TOLLIP: variants seen among roughly 807,000 people sequenced by gnomAD.
The protein encoded by TOLLIP is toll-interacting protein.
A neutral mutation model predicts 33.5 loss-of-function variants in TOLLIP; 16 were observed. The ratio of observed to expected loss-of-function variants is 0.48; its 90% CI spans 0.32 to 0.72. The LOEUF (loss-of-function observed/expected upper bound fraction) is 0.72, where lower values mean the gene tolerates loss of function less well. Ranked by LOEUF, TOLLIP falls within the 30% of genes least tolerant of loss-of-function variation. The probability of loss-of-function intolerance (pLI) is 0.03; values close to 1 mark genes in which losing one functional copy is unlikely to be tolerated. For synonymous variants in TOLLIP, 176 were observed against 163.7 expected, an observed-to-expected ratio of 1.07 and a Z score of -0.57; for missense variants, 325 against 396.6, an observed-to-expected ratio of 0.82 and a Z score of 1.53.
At chr11:1,306,536 G>T (rs1023874224) in intron 1 of TOLLIP, among the ~76,000 whole-genome samples, 5 of 152,124 alleles carry the variant, frequency 3.3e-5, no homozygotes, top group Admixed American at 1.3e-4. Flanking sequence ...CACCACAGGT[G>T]TAACAGAAAG....
At chr11:1,309,280 C>G (rs375094188) in intron 1 of TOLLIP, among the ~76,000 whole-genome samples, 186 bp downstream of exon 1, 195 of 152,122 alleles carry the variant, frequency 1.3e-3, no homozygotes, top group Middle Eastern at 3.4e-3. Flanking sequence ...TGGGCGCGTC[C>G]GTCCGGCCCG....
In TOLLIP at chr11:1,280,063, G is replaced by A. The variant is rs1299762660; in HGVS notation, c.611-2810C>T. Among the ~76,000 whole-genome samples the A allele has an allele frequency of 3.3e-5, 5 of 152,250 alleles. No individual in the cohort carries two copies. The East Asian group carries it at 5.8e-4, about 18-fold the overall frequency. On this transcript the variant is annotated intron_variant, in intron 5 of 5. Transcript: ENST00000317204. ...TGATTCTTTGTTTCAAAGCGACCAA[G>A]TTAGCGGGTTAATAAACACAACAGC...
intron 1 of TOLLIP, 23 bp from the exon 2 acceptor site, chr11:1,295,817 G>A: frequency 2.0e-6 from 3 of 1,534,562 alleles, no homozygotes; most frequent in Non-Finnish European, 2.6e-6. Context: ...GGACCAGAGA[G>A]GCCAGTGAGT....
chr11:1,307,975 C>A (rs895065656), intron 1 of TOLLIP, among the ~76,000 whole-genome samples: 6 of 152,192 alleles, frequency 3.9e-5, no homozygotes, highest in African/African-American at 1.4e-4. Flanking sequence ...GGTGGGGAGC[C>A]CTGGTGACCC....
At chr11:1,285,942 C>T in intron 5 of TOLLIP, 60 bp downstream of exon 5, 2 of 1,401,692 alleles carry the variant, frequency 1.4e-6, no homozygotes, top group African/African-American at 1.4e-5. Flanking sequence ...CCTCCCGCAC[C>T]TGCCCTAGGC....
chr11:1,295,527 G>A lies in TOLLIP; in HGVS notation c.183+118C>T, dbSNP rs536980044. ...ACATCACACAGGTTTCAGGAAAAGC[G>A]GGAATCAGAAGTTCTGTTTGCCCGC... On this transcript the variant is annotated intron_variant, in intron 2 of 5. Transcript: ENST00000317204. The A allele has an allele frequency of 7.1e-6, 9 of 1,261,708 alleles. No homozygotes were observed. In the East Asian group the frequency reaches 7.1e-5, roughly 10 times the overall value. The allele number at this position is 1,261,708 out of a possible 1,614,324, so 78.2% of individuals were successfully genotyped here.
intron 2 of TOLLIP, among the ~76,000 whole-genome samples, chr11:1,292,602 TCTG>T (rs1422328752): frequency 2.0e-5 from 3 of 152,350 alleles, no homozygotes; most frequent in South Asian, 4.1e-4. Flanking sequence ...TATGGAAGCA[TCTG>T]CCCATTCACT....
intron 1 of TOLLIP, among the ~76,000 whole-genome samples, chr11:1,299,922 A>ACGGAGG (rs898765321): frequency 7.2e-5 from 11 of 152,292 alleles, no homozygotes; most frequent in Admixed American, 2.6e-4. Flanking sequence ...GACTCGGGGG[A>ACGGAGG]CGGAGGCGGA....
rs139087935 is a variant in TOLLIP, at chr11:1,277,078, G to C, written c.786C>G (p.Ala262=). Residue 262 remains alanine, a synonymous_variant, in exon 6 of 6, where the codon GCC becomes GCG. Transcript: ENST00000317204. The surrounding 1 kb of genome is among the most constrained non-coding windows in gnomAD (Gnocchi z 4.2). The part of the protein sequence containing the change: ...VLEAQRGNKD[A]AINSLLQMGE... ...CCATCTGCAGCAGGGAGTTGATGGC[G>C]GCATCCTTGTTCCCTCGCTGGGCTT... 2 of 1,614,064 alleles carry C rather than the reference G, an allele frequency of 1.2e-6. No homozygotes were observed. Among genetic ancestry groups the C allele is most frequent in the Non-Finnish European group, 1.7e-6 (2 of 1,180,000 alleles).
chr11:1,290,627 C>G lies in TOLLIP; in HGVS notation c.184-218G>C, dbSNP rs1024668827. Among the ~76,000 whole-genome samples the G allele has an allele frequency of 6.6e-6, 1 of 152,136 alleles. No homozygotes were observed. The highest frequency in any genetic ancestry group is 2.1e-4 in the South Asian group (1 of 4,826). On this transcript the variant is annotated intron_variant, in intron 2 of 5. Transcript: ENST00000317204. The surrounding 1 kb of genome is among the most constrained non-coding windows in gnomAD (Gnocchi z 4.9). ...TGGATCGTGCAGTTCTGAGACAAAG[C>G]ACGTGGCTCGTCCTTGACAGCAGAA... is the stretch of plus-strand genomic sequence containing the variant.
chr11:1,293,945 G>A (rs571368891), intron 2 of TOLLIP, among the ~76,000 whole-genome samples: 1 of 152,386 alleles, frequency 6.6e-6, no homozygotes, highest in African/African-American at 2.4e-5. Flanking sequence ...ACGCCGCGAG[G>A]AAGGGGTGAC....
intron 2 of TOLLIP, chr11:1,295,241 T>TG (rs1387239133): frequency 6.0e-6 from 1 of 167,290 alleles, no homozygotes; most frequent in Admixed American, 6.4e-5. Context: ...GGCTGCTCTG[T>TG]GGGGAGGGAG....
intron 1 of TOLLIP, among the ~76,000 whole-genome samples, chr11:1,308,660 C>G (rs972905284): frequency 2.6e-5 from 4 of 152,264 alleles, no homozygotes; most frequent in Non-Finnish European, 5.9e-5. Flanking sequence ...AGGAAAGGTT[C>G]TCTGAAGTTC....
chr11:1,308,624 G>A (rs1032408887), intron 1 of TOLLIP, among the ~76,000 whole-genome samples: 13 of 152,242 alleles, frequency 8.5e-5, no homozygotes, highest in African/African-American at 2.7e-4. Flanking sequence ...AAACTGCCAG[G>A]CAACTCTCAG....
chr11:1,280,400 GT>G (rs1863454674), intron 5 of TOLLIP, among the ~76,000 whole-genome samples: 1 of 152,150 alleles, frequency 6.6e-6, no homozygotes, highest in East Asian at 1.9e-4. Context: ...TTCATACTTT[GT>G]GGACGGGCAT....
intron 2 of TOLLIP, among the ~76,000 whole-genome samples, chr11:1,293,016 C>A (rs1280891577): frequency 1.3e-5 from 2 of 152,162 alleles, no homozygotes; most frequent in Non-Finnish European, 2.9e-5. Context: ...CGGACCTACT[C>A]TGGCCACGCT....
chr11:1,284,608 C>G (rs1863625793), intron 5 of TOLLIP, among the ~76,000 whole-genome samples: 2 of 152,192 alleles, frequency 1.3e-5, no homozygotes, highest in South Asian at 4.1e-4. Context: ...CTTGGCCTCC[C>G]AAGGTGCCGG....
rs1391997842 is a variant in TOLLIP, at chr11:1,278,091, C to G, written c.611-838G>C. Among the ~76,000 whole-genome samples, 1 of 152,198 alleles carries G rather than the reference C, an allele frequency of 6.6e-6. No homozygotes were observed. The highest frequency in any genetic ancestry group is 1.5e-5 in the Non-Finnish European group (1 of 68,040). On this transcript the variant is annotated intron_variant, in intron 5 of 5. Coordinates refer to ENST00000317204, the MANE Select transcript of TOLLIP (RefSeq NM_019009.4). The surrounding 1 kb of genome is among the most constrained non-coding windows in gnomAD (Gnocchi z 4.7). ...GTTCAGCCACTGCAGCACACACACCCCTGAAGGCACCGTGTGGCCGGACTT... is the reference window on the plus strand; with the variant it reads ...GTTCAGCCACTGCAGCACACACACCGCTGAAGGCACCGTGTGGCCGGACTT...
At chr11:1,300,917 C>A (rs776836443) in intron 1 of TOLLIP, among the ~76,000 whole-genome samples, 11 of 152,254 alleles carry the variant, frequency 7.2e-5, no homozygotes, top group Non-Finnish European at 1.6e-4. Context: ...CACCCCATGA[C>A]GCTGCGAGGC....
Sources: gnomAD v4.1 joint callset for allele counts (sites outside exome capture counted in the v4.1 genomes callset) on GRCh38, gnomAD v4.1.1 for gene constraint, Gnocchi (gnomAD v3.1) non-coding constraint, MANE v1.5 for transcripts, NCBI Gene and HGNC (gene_info 2026-07-23, HGNC 2026-07-21) for gene names.